Variants in UNC5D observed in about 807,000 individuals in gnomAD.
The protein encoded by UNC5D is unc-5 netrin receptor D.
A neutral mutation model predicts 105.4 loss-of-function variants in UNC5D; 39 were observed. The ratio of observed to expected loss-of-function variants is 0.37; its 90% CI spans 0.29 to 0.48. UNC5D has a LOEUF of 0.48. UNC5D is among the 20% of genes least tolerant of loss of function. UNC5D has a pLI of 0.98. For synonymous variants in UNC5D, 452 were observed against 450.4 expected (o/e 1.00, Z -0.04); for missense variants, 991 against 1,202.4 (o/e 0.82, Z 2.60).
chr8:35,517,930 G>T (rs1813206485), intron 1 of UNC5D, among the ~76,000 whole-genome samples: 1 of 152,018 alleles, frequency 6.6e-6, no homozygotes, highest in Non-Finnish European at 1.5e-5. Context: ...GATCTCACAG[G>T]TGCCCCTTTC....
intron 1 of UNC5D, among the ~76,000 whole-genome samples, chr8:35,266,348 GACCATATATAGTAAATACTGTTGA>G (rs1804869550): frequency 6.6e-6 from 1 of 152,122 alleles, no homozygotes; most frequent in Non-Finnish European, 1.5e-5. Context: ...AATACTGTTG[GACCATATATAGTAAATACTGTTGA>G]ACCATATATA....
intron 13 of UNC5D, among the ~76,000 whole-genome samples, chr8:35,756,745 G>T (rs1328898473): frequency 2.0e-5 from 3 of 152,020 alleles, no homozygotes; most frequent in Non-Finnish European, 4.4e-5. Flanking sequence ...TAAGGCACTT[G>T]GTGCTCTAAA....
chr8:35,588,323 G>A (rs1818931399), intron 3 of UNC5D, among the ~76,000 whole-genome samples: 1 of 152,124 alleles, frequency 6.6e-6, no homozygotes, highest in African/African-American at 2.4e-5. Context: ...AAAAAAGTGA[G>A]AGAGCATATG....
intron 3 of UNC5D, among the ~76,000 whole-genome samples, chr8:35,575,844 T>G (rs924518473): frequency 3.3e-5 from 5 of 152,146 alleles, no homozygotes; most frequent in African/African-American, 1.2e-4. Flanking sequence ...CTAAATAAAG[T>G]TGTGCATCTA....
At chr8:35,557,596 G>A (rs952581561) in intron 2 of UNC5D, among the ~76,000 whole-genome samples, 2 of 152,098 alleles carry the variant, frequency 1.3e-5, no homozygotes, top group African/African-American at 2.4e-5. Flanking sequence ...ACGGAGGTAC[G>A]GTTCCATGAC....
chr8:35,236,393 CTAGCTTGGCACCCCTCGGGCGTCCT>C (rs1802464260), intron 1 of UNC5D, among the ~76,000 whole-genome samples: 1 of 46,522 alleles, frequency 2.1e-5, no homozygotes, highest in African/African-American at 7.9e-5. Context: ...CGCTCTGCGC[CTAGCTTGGCACCCCTCGGGCGTCCT>C]TAGCCCGAGG....
At chr8:35,473,893 C>A (rs2589332) in intron 1 of UNC5D, among the ~76,000 whole-genome samples, 40,393 of 151,962 alleles carry the variant, frequency 0.27, 6,271 homozygotes, top group African/African-American at 0.44. Context: ...AAGGGGTTGG[C>A]ATCTGGTGAG....
intron 12 of UNC5D, 75 bp from the exon 13 acceptor site, chr8:35,750,507 T>G: frequency 6.9e-7 from 1 of 1,446,594 alleles, no homozygotes; most frequent in Non-Finnish European, 9.7e-7. Context: ...TGTTTATTTA[T>G]TTGTGTCCTG....
At chr8:35,758,964 T>C (rs745810348) in intron 13 of UNC5D, among the ~76,000 whole-genome samples, 1 of 152,202 alleles carries the variant, frequency 6.6e-6, no homozygotes, top group Admixed American at 6.5e-5. Context: ...ATCCCTTGAT[T>C]GTGGTCAGAG....
chr8:35,356,295 C>A (rs1439127313), intron 1 of UNC5D, among the ~76,000 whole-genome samples: 3 of 152,132 alleles, frequency 2.0e-5, no homozygotes, highest in African/African-American at 7.2e-5. Context: ...TATGAGCTTA[C>A]TCACATTTTT....
chr8:35,264,996 T>A lies in UNC5D; in HGVS notation c.103+29109T>A, dbSNP rs1804758846. 2.0e-5 allele frequency among the ~76,000 whole-genome samples: 3 copies of A among 152,176 alleles called. No individual in the cohort carries two copies. In the South Asian group the frequency reaches 6.2e-4, roughly 32 times the overall value. ...AGTAGTACATTGAAAACAGTCATAA[T>A]AACGCAAACCGCAAATGAAACCAAA... is the stretch of plus-strand genomic sequence containing the variant. On this transcript the variant is annotated intron_variant, in intron 1 of 16. Transcript: ENST00000404895.
intron 1 of UNC5D, among the ~76,000 whole-genome samples, chr8:35,388,984 G>T (rs1219370286): frequency 6.6e-6 from 1 of 152,128 alleles, no homozygotes; most frequent in Non-Finnish European, 1.5e-5. Context: ...TTCATTGACG[G>T]TGTTCATTGT....
At chr8:35,418,469 T>A (rs1471999052) in intron 1 of UNC5D, among the ~76,000 whole-genome samples, 1 of 152,202 alleles carries the variant, frequency 6.6e-6, no homozygotes, top group African/African-American at 2.4e-5. Context: ...ATAGCCCCTG[T>A]TGCAACCCCT....
intron 1 of UNC5D, among the ~76,000 whole-genome samples, chr8:35,317,636 A>C (rs900013784): frequency 6.6e-6 from 1 of 152,118 alleles, no homozygotes; most frequent in Non-Finnish European, 1.5e-5. Context: ...TCTGCGGTGT[A>C]CACTCTCTCT....
At chr8:35,748,484 C>A (rs745724529) in intron 11 of UNC5D, 43 bp from the exon 12 acceptor site, 6 of 1,587,948 alleles carry the variant, frequency 3.8e-6, no homozygotes, top group Non-Finnish European at 5.1e-6. Flanking sequence ...TATGGCCCCT[C>A]CTCTACATAC....
intron 1 of UNC5D, among the ~76,000 whole-genome samples, chr8:35,342,690 G>A (rs1811535176): frequency 1.3e-5 from 2 of 152,010 alleles, no homozygotes; most frequent in South Asian, 2.1e-4. Context: ...AGAGTCTTGG[G>A]CACAAACCTA....
chr8:35,467,465 A>T (rs1360057377), intron 1 of UNC5D, among the ~76,000 whole-genome samples: 1 of 151,976 alleles, frequency 6.6e-6, no homozygotes, highest in East Asian at 1.9e-4. Context: ...CAGCTGCAGT[A>T]CATGAGGTTT....
At chr8:35,435,820 C>A (rs1390231432) in intron 1 of UNC5D, among the ~76,000 whole-genome samples, 1 of 151,988 alleles carries the variant, frequency 6.6e-6, no homozygotes, top group Admixed American at 6.6e-5. Context: ...AGGTAGCTGT[C>A]AAAGGCAGTC....
intron 11 of UNC5D, among the ~76,000 whole-genome samples, chr8:35,742,715 G>C (rs1829821183): frequency 6.6e-6 from 1 of 152,154 alleles, no homozygotes; most frequent in South Asian, 2.1e-4. Context: ...GCAGGTCAAG[G>C]AGTATTGAGC....
Sources: allele counts gnomAD v4.1 joint callset (sites outside exome capture counted in the v4.1 genomes callset), GRCh38; gene constraint gnomAD v4.1.1; transcripts MANE v1.5; gene names NCBI Gene and HGNC (gene_info 2026-07-23, HGNC 2026-07-21).